Variants in PARD3B observed in about 807,000 individuals in gnomAD.
PARD3B encodes the protein par-3 family cell polarity regulator beta.
A neutral mutation model predicts 130.2 loss-of-function variants in PARD3B; 103 were observed. The observed-to-expected ratio is 0.79, with a 90% CI of 0.67 to 0.93. PARD3B has a LOEUF of 0.93. Among genes scored for constraint, PARD3B ranks in the 40% least tolerant of loss-of-function variants. PARD3B has a pLI of 0.00. For missense variants in PARD3B, 1,609 were observed against 1,499.2 expected (o/e 1.07, Z -1.21); for synonymous variants, 583 against 553.2 (o/e 1.05, Z -0.76).
intron 1 of PARD3B, among the ~76,000 whole-genome samples, chr2:204,608,269 G>A (rs1483573161): frequency 6.6e-6 from 1 of 152,204 alleles, no homozygotes; most frequent in African/African-American, 2.4e-5. Flanking sequence ...TTACAGCAAA[G>A]CACATTTGCT....
At chr2:205,599,339 C>T (rs1199703184) in intron 22 of PARD3B, among the ~76,000 whole-genome samples, 1 of 152,320 alleles carries the variant, frequency 6.6e-6, no homozygotes, top group East Asian at 1.9e-4. Flanking sequence ...TTTCATAGCA[C>T]TACATCTAAA....
In PARD3B at chr2:204,727,294, A is replaced by T. The variant is rs1401563906; in HGVS notation, c.222+41012A>T. Among the ~76,000 whole-genome samples the T allele has an allele frequency of 2.6e-5, 4 of 152,302 alleles. 1 individual carries two copies. The highest frequency in any genetic ancestry group is 9.6e-5 in the African/African-American group (4 of 41,576). Reference sequence around the variant, plus strand: ...AGATGAGGATTCATTAAGAGCCTAGACTTTTTAATAGACTTACACTCCTTT... The same window carrying T: ...AGATGAGGATTCATTAAGAGCCTAGTCTTTTTAATAGACTTACACTCCTTT... On this transcript the variant is annotated intron_variant, in intron 2 of 22. Transcript: ENST00000406610.
At chr2:205,046,868 C>T (rs375900292) in intron 3 of PARD3B, among the ~76,000 whole-genome samples, 6 of 152,084 alleles carry the variant, frequency 3.9e-5, no homozygotes, top group East Asian at 1.9e-4. Flanking sequence ...GCGGTTAGGC[C>T]GCTGGCTCTG....
At position 204,743,303 on chromosome 2, in the gene PARD3B, A is replaced by C. The variant is rs191368627; in HGVS notation, c.222+57021A>C. ...TTGCATTATATTTTTGTAGTTAAAT[A>C]TTAATCTCTCTTTTGAAATCCTTAA... On this transcript the variant is annotated intron_variant, in intron 2 of 22. Transcript: ENST00000406610. 1.1e-4 allele frequency among the ~76,000 whole-genome samples: 16 copies of C among 152,270 alleles called. No individual in the cohort carries two copies. In the East Asian group the frequency reaches 2.9e-3, roughly 28 times the overall value.
At chr2:204,667,182 C>T (rs1574650887) in intron 1 of PARD3B, among the ~76,000 whole-genome samples, 1 of 152,196 alleles carries the variant, frequency 6.6e-6, no homozygotes, top group East Asian at 1.9e-4. Context: ...GGATATTTCT[C>T]TTTGATTAGA....
rs891437912 is a variant in PARD3B, at chr2:205,288,337, A to G, written c.2186-12193A>G. ...TCATTTTGAGGACAGATGACTAACC[A>G]TGCTAAAAATGTATATGAAGAAATT... On this transcript the variant is annotated intron_variant, in intron 16 of 22. Coordinates refer to ENST00000406610, the MANE Select transcript of PARD3B (RefSeq NM_001302769.2). This position sits in a 1 kb window ranked among gnomAD's most constrained non-coding sequence, Gnocchi z 4.0. Among the ~76,000 whole-genome samples, 17 of 152,200 alleles carry G rather than the reference A, an allele frequency of 1.1e-4. No individual in the cohort carries two copies. The highest frequency in any genetic ancestry group is 4.1e-4 in the African/African-American group (17 of 41,446).
chr2:205,422,383 T>A (rs893446277), intron 19 of PARD3B, among the ~76,000 whole-genome samples: 1 of 152,204 alleles, frequency 6.6e-6, no homozygotes, highest in East Asian at 1.9e-4. Context: ...GAAAGTGTTA[T>A]AAGCAGAGAA....
intron 2 of PARD3B, among the ~76,000 whole-genome samples, chr2:204,857,032 C>G (rs1057434738): frequency 6.6e-6 from 1 of 151,914 alleles, no homozygotes; most frequent in African/African-American, 2.4e-5. Context: ...TGGGTCTTTT[C>G]TTGTTCCATA....
chr2:204,954,674 T>G (rs189688640), intron 2 of PARD3B, among the ~76,000 whole-genome samples: 1 of 152,322 alleles, frequency 6.6e-6, no homozygotes. Context: ...ACTTGTGTTA[T>G]AGGCTACCAG....
At chr2:205,571,986 G>A (rs2053574480) in intron 22 of PARD3B, among the ~76,000 whole-genome samples, 1 of 152,208 alleles carries the variant, frequency 6.6e-6, no homozygotes, top group South Asian at 2.1e-4. Context: ...TGTTAACTGG[G>A]CAGCTCAGGT....
chr2:205,111,764 C>T (rs904595638), intron 5 of PARD3B, among the ~76,000 whole-genome samples: 1 of 151,958 alleles, frequency 6.6e-6, no homozygotes, highest in Non-Finnish European at 1.5e-5. Context: ...CAGTGCAAAA[C>T]TATAAAAATA....
intron 19 of PARD3B, among the ~76,000 whole-genome samples, chr2:205,428,024 A>G (rs77572580): frequency 0.041 from 6,311 of 152,178 alleles, 150 homozygotes; most frequent in Middle Eastern, 0.061. Context: ...CATCAGCGTG[A>G]TAGTATTAGG....
At chr2:205,145,135 G>A (rs2033256290) in intron 10 of PARD3B, among the ~76,000 whole-genome samples, 1 of 152,130 alleles carries the variant, frequency 6.6e-6, no homozygotes, top group Admixed American at 6.6e-5. Context: ...TATTAAGAGA[G>A]TTATTGTACC....
chr2:205,565,255 G>T (rs956373926), intron 22 of PARD3B, among the ~76,000 whole-genome samples: 9 of 152,166 alleles, frequency 5.9e-5, no homozygotes, highest in Non-Finnish European at 8.8e-5. Flanking sequence ...TGGAAAATAA[G>T]CATGTTGAGC....
At chr2:205,038,955 C>T (rs933261251) in intron 3 of PARD3B, among the ~76,000 whole-genome samples, 1 of 152,110 alleles carries the variant, frequency 6.6e-6, no homozygotes, top group Non-Finnish European at 1.5e-5. Flanking sequence ...GAAAGCATGT[C>T]CTAGCTGCTG....
intron 2 of PARD3B, among the ~76,000 whole-genome samples, chr2:204,867,772 T>A (rs1285886705): frequency 6.6e-6 from 1 of 152,220 alleles, no homozygotes; most frequent in Non-Finnish European, 1.5e-5. Context: ...ATTTCTCTGT[T>A]TTGAATGGGT....
rs182349053 is a variant in PARD3B, at chr2:205,509,858, C to A, written c.3180+9827C>A. ...AAACTGGCCCTTTCTCCAAAGGAAGCCTTTTGTTTCTGGGTCTGCCCTCTG... is the reference window on the plus strand; with the variant it reads ...AAACTGGCCCTTTCTCCAAAGGAAGACTTTTGTTTCTGGGTCTGCCCTCTG... On this transcript the variant is annotated intron_variant, in intron 21 of 22. Coordinates refer to ENST00000406610, the MANE Select transcript of PARD3B (RefSeq NM_001302769.2). Among the ~76,000 whole-genome samples, 430 of 152,326 alleles carry A rather than the reference C, an allele frequency of 2.8e-3. 4 individuals are homozygous for A. Among genetic ancestry groups the A allele is most frequent in the Non-Finnish European group, 4.5e-3 (306 of 68,028 alleles).
At chr2:205,255,411 C>T (rs571670269) in intron 16 of PARD3B, among the ~76,000 whole-genome samples, 49 of 152,184 alleles carry the variant, frequency 3.2e-4, no homozygotes, top group Admixed American at 9.8e-4. Flanking sequence ...TGGTTTTTCC[C>T]CACACACACT....
At chr2:205,379,563 A>C in intron 18 of PARD3B, among the ~76,000 whole-genome samples, 1 of 152,090 alleles carries the variant, frequency 6.6e-6, no homozygotes, top group East Asian at 1.9e-4. Flanking sequence ...TTACATTGTT[A>C]TTTTAAAATA....
Sources: allele counts gnomAD v4.1 joint callset (sites outside exome capture counted in the v4.1 genomes callset), GRCh38; gene constraint gnomAD v4.1.1; non-coding constraint Gnocchi (gnomAD v3.1); transcripts MANE v1.5; gene names NCBI Gene and HGNC (gene_info 2026-07-23, HGNC 2026-07-21).